Variants in RAD51B observed in about 807,000 individuals in gnomAD.
RAD51B encodes DNA repair protein RAD51 homolog 2.
A neutral mutation model predicts 42.2 loss-of-function variants in RAD51B; 38 were observed. The observed-to-expected ratio is 0.90, with a 90% CI of 0.70 to 1.18. The LOEUF (loss-of-function observed/expected upper bound fraction) is 1.18. Among genes scored for constraint, RAD51B ranks in the 50% most tolerant of loss-of-function variants. The probability of loss-of-function intolerance (pLI) is 0.00; values close to 1 mark genes in which losing one functional copy is unlikely to be tolerated. For synonymous variants in RAD51B, 154 were observed against 145.2 expected (o/e 1.06, Z -0.43); for missense variants, 373 against 400.7 (o/e 0.93, Z 0.59).
chr14:68,122,649 T>C (rs1368783396), intron 7 of RAD51B, among the ~76,000 whole-genome samples: 1 of 152,222 alleles, frequency 6.6e-6, no homozygotes, highest in African/African-American at 2.4e-5. Context: ...AAAACTTAAA[T>C]GCATGTATCC....
At chr14:68,682,823 C>A in intron 11 of RAD51B, 4 of 586,290 alleles carry the variant, frequency 6.8e-6, no homozygotes, top group South Asian at 7.5e-5. Context: ...GAGTTTGCAG[C>A]CCTGGAAATG....
chr14:68,402,674 G>A (rs751844283), intron 8 of RAD51B, among the ~76,000 whole-genome samples: 8 of 152,146 alleles, frequency 5.3e-5, no homozygotes, highest in Non-Finnish European at 1.2e-4. Flanking sequence ...AAGCACAAAC[G>A]GGTGCTGGGT....
chr14:68,547,520 G>A (rs1888299239), intron 10 of RAD51B, among the ~76,000 whole-genome samples: 1 of 152,136 alleles, frequency 6.6e-6, no homozygotes, highest in African/African-American at 2.4e-5. Flanking sequence ...CAGGAGCCCC[G>A]CTCACTCCTC....
At chr14:68,205,296 A>G (rs2079562488) in intron 7 of RAD51B, among the ~76,000 whole-genome samples, 1 of 152,220 alleles carries the variant, frequency 6.6e-6, no homozygotes, top group Admixed American at 6.5e-5. Context: ...ATGTTTTTGA[A>G]TAGACAAAGC....
intron 7 of RAD51B, among the ~76,000 whole-genome samples, chr14:68,253,179 A>G (rs1264876269): frequency 6.6e-6 from 1 of 152,112 alleles, no homozygotes; most frequent in African/African-American, 2.4e-5. Flanking sequence ...TCACTTAGTC[A>G]TAATTGTCTA....
rs971748809 is a variant in RAD51B, at chr14:68,191,039, T to A, written c.757-100845T>A. Among the ~76,000 whole-genome samples, 4 of 152,104 alleles carry A rather than the reference T, an allele frequency of 2.6e-5. No homozygotes were observed. The East Asian group carries it at 5.8e-4, about 22-fold the overall frequency. ...AATGCTATATTACTACAAGCTTTTT[T>A]TTAAAAAAAGAGACAATATCCTTTC... On this transcript the variant is annotated intron_variant, in intron 7 of 10. Transcript: ENST00000471583.
chr14:68,096,110 A>G (rs2077190534), intron 7 of RAD51B, among the ~76,000 whole-genome samples: 1 of 152,108 alleles, frequency 6.6e-6, no homozygotes. Context: ...ATACTTGACT[A>G]TCCTATATTT....
At chr14:68,174,416 T>C (rs1418514962) in intron 7 of RAD51B, among the ~76,000 whole-genome samples, 3 of 150,796 alleles carry the variant, frequency 2.0e-5, no homozygotes, top group Non-Finnish European at 4.4e-5. Context: ...ATAAGAACCA[T>C]AGGAAAGAGA....
At chr14:68,475,280 C>A (rs192980353) in intron 10 of RAD51B, among the ~76,000 whole-genome samples, 1 of 152,114 alleles carries the variant, frequency 6.6e-6, no homozygotes, top group Non-Finnish European at 1.5e-5. Flanking sequence ...AATGAATATT[C>A]GGTGACACAG....
At chr14:67,874,609 A>C (rs995315449) in intron 5 of RAD51B, among the ~76,000 whole-genome samples, 2 of 152,142 alleles carry the variant, frequency 1.3e-5, no homozygotes, top group Non-Finnish European at 2.9e-5. Context: ...GGGGAATGCT[A>C]TTCAGGCAAA....
intron 8 of RAD51B, among the ~76,000 whole-genome samples, chr14:68,347,323 T>A (rs2082695086): frequency 6.6e-6 from 1 of 152,232 alleles, no homozygotes; most frequent in Non-Finnish European, 1.5e-5. Flanking sequence ...TCCTATCAGT[T>A]TGGGGAAGTA....
intron 8 of RAD51B, chr14:68,339,086 C>T (rs1482597924): frequency 8.8e-6 from 6 of 683,482 alleles, no homozygotes; most frequent in Non-Finnish European, 1.6e-5. Flanking sequence ...CTTTCTTGTT[C>T]TCCACCAAGG....
At chr14:68,081,297 C>T (rs1351450018) in intron 7 of RAD51B, among the ~76,000 whole-genome samples, 5 of 152,038 alleles carry the variant, frequency 3.3e-5, no homozygotes, top group Non-Finnish European at 7.4e-5. Flanking sequence ...TCTGAAGTGG[C>T]CAGAGATTCA....
intron 10 of RAD51B, among the ~76,000 whole-genome samples, chr14:68,550,778 C>T (rs1888512985): frequency 6.6e-6 from 1 of 152,264 alleles, no homozygotes; most frequent in East Asian, 1.9e-4. Flanking sequence ...TAGCAGTGAT[C>T]TGTGTTCTAG....
At chr14:68,245,303 T>G (rs1271398460) in intron 7 of RAD51B, among the ~76,000 whole-genome samples, 1 of 152,194 alleles carries the variant, frequency 6.6e-6, no homozygotes, top group African/African-American at 2.4e-5. Flanking sequence ...AAATTCTGAG[T>G]CAAATAGACT....
intron 10 of RAD51B, among the ~76,000 whole-genome samples, chr14:68,566,529 C>A (rs1407948070): frequency 6.6e-6 from 1 of 152,216 alleles, no homozygotes; most frequent in African/African-American, 2.4e-5. Context: ...CTTGATCCAA[C>A]TGAGGAAGCT....
chr14:68,028,804 C>A (rs942346363), intron 7 of RAD51B, among the ~76,000 whole-genome samples: 1 of 152,184 alleles, frequency 6.6e-6, no homozygotes, highest in African/African-American at 2.4e-5. Context: ...CTACTTTCTC[C>A]TGCCTCAGCG....
chr14:68,411,520 G>T lies in RAD51B; in HGVS notation c.950G>T (p.Arg317Ile), dbSNP rs1489084772. The T allele has an allele frequency of 6.2e-7, 1 of 1,613,726 alleles. No individual in the cohort carries two copies. The highest frequency in any genetic ancestry group is 1.3e-5 in the African/African-American group (1 of 74,924). The change falls in exon 9 of 11, where the codon AGA becomes ATA. Residue 317 changes from arginine to isoleucine, a missense_variant. Transcript: ENST00000471583. ...ATCCTCCAGTACCTTGATTCAGAGA[G>T]AAGACAGGTGGGTGCTTTGACAGTA... ...RLILQYLDSERRQILIAKSPL... is the reference protein window; with the variant it reads ...RLILQYLDSEIRQILIAKSPL...
intron 9 of RAD51B, among the ~76,000 whole-genome samples, chr14:68,432,955 ATC>A (rs1462029642): frequency 6.6e-6 from 1 of 152,122 alleles, no homozygotes; most frequent in African/African-American, 2.4e-5. Flanking sequence ...TGGTGACAAA[ATC>A]TCTCAGCATT....
Sources: gnomAD v4.1 joint callset for allele counts (sites outside exome capture counted in the v4.1 genomes callset) on GRCh38, gnomAD v4.1.1 for gene constraint, MANE v1.5 for transcripts, NCBI Gene and HGNC (gene_info 2026-07-23, HGNC 2026-07-21) for gene names.